IL1RAPL1: variants seen among roughly 807,000 people sequenced by gnomAD.
IL1RAPL1 encodes the protein interleukin 1 receptor accessory protein like 1.
A neutral mutation model predicts 48.4 loss-of-function variants in IL1RAPL1; 3 were observed. The ratio of observed to expected loss-of-function variants is 0.06; its 90% CI spans 0.03 to 0.16. The LOEUF is 0.16. IL1RAPL1 is among the 10% of genes least tolerant of loss of function. The pLI is 1.00. For missense variants in IL1RAPL1, 349 were observed against 530.6 expected (o/e 0.66, Z 3.36); for synonymous variants, 185 against 187.7 (o/e 0.99, Z 0.12).
At chrX:29,662,557 A>C (rs1602352033) in intron 5 of IL1RAPL1, among the ~76,000 whole-genome samples, 1 of 111,955 alleles carries the variant, frequency 8.9e-6, no homozygotes, top group African/African-American at 3.2e-5. Context: ...TACCTGGTAG[A>C]GAGGAAATAT....
chrX:29,866,096 G>C (rs1931691246), intron 6 of IL1RAPL1, among the ~76,000 whole-genome samples: 1 of 111,616 alleles, frequency 9.0e-6, no homozygotes, highest in African/African-American at 3.3e-5. Context: ...TTAGCTTTGG[G>C]TTCAGTTTTT....
intron 3 of IL1RAPL1, among the ~76,000 whole-genome samples, chrX:29,319,516 T>TTGTATG (rs1191579480): frequency 3.3e-5 from 3 of 91,178 alleles, no homozygotes; most frequent in African/African-American, 1.3e-4. Flanking sequence ...ATGTGATATT[T>TTGTATG]TGTATGTATG....
intron 1 of IL1RAPL1, among the ~76,000 whole-genome samples, chrX:28,659,662 A>G (rs1041857325): frequency 6.3e-5 from 7 of 111,789 alleles, no homozygotes; most frequent in African/African-American, 2.3e-4. Flanking sequence ...AACCATGCTT[A>G]CCTATGTTAT....
intron 5 of IL1RAPL1, among the ~76,000 whole-genome samples, chrX:29,632,371 G>A (rs895279161): frequency 9.1e-6 from 1 of 109,916 alleles, no homozygotes; most frequent in African/African-American, 3.3e-5. Context: ...GGATGGTCTC[G>A]ATCTCCTGAC....
chrX:29,286,072 C>T (rs1286136826), intron 3 of IL1RAPL1, among the ~76,000 whole-genome samples: 1 of 111,857 alleles, frequency 8.9e-6, no homozygotes, highest in Non-Finnish European at 1.9e-5. Context: ...AATTGTTTAT[C>T]AAGCTTTTCA....
intron 1 of IL1RAPL1, among the ~76,000 whole-genome samples, chrX:28,784,373 G>T (rs1373505330): frequency 1.8e-5 from 2 of 111,576 alleles, no homozygotes; most frequent in East Asian, 5.6e-4. Context: ...CATTTTTTTA[G>T]CATAGGTAAT....
At chrX:29,229,587 G>C (rs765332101) in intron 2 of IL1RAPL1, among the ~76,000 whole-genome samples, 2 of 111,703 alleles carry the variant, frequency 1.8e-5, no homozygotes, top group South Asian at 7.4e-4. Context: ...CTCATGGAAG[G>C]TGTGGAGAGA....
At chrX:29,707,815 C>G (rs1927241205) in intron 6 of IL1RAPL1, among the ~76,000 whole-genome samples, 1 of 110,555 alleles carries the variant, frequency 9.0e-6, no homozygotes, top group Non-Finnish European at 1.9e-5. Flanking sequence ...GAATAAAATA[C>G]TACACACTGG....
At chrX:28,734,783 C>T (rs1029070557) in intron 1 of IL1RAPL1, among the ~76,000 whole-genome samples, 7 of 111,804 alleles carry the variant, frequency 6.3e-5, no homozygotes, top group Admixed American at 1.9e-4. Context: ...TGGATCAGTA[C>T]CTATTATTTT....
rs111475863 is a variant in IL1RAPL1, at chrX:29,730,988, C to G, written c.778+62484C>G. Among the ~76,000 whole-genome samples the G allele has an allele frequency of 5.1e-4, 57 of 112,227 alleles. 1 individual carries two copies. The highest frequency in any genetic ancestry group is 1.7e-3 in the African/African-American group (54 of 30,941). ...TTACTCTATCCCCAAATTACATACC[C>G]CTGTGATTTATACTTATGTCACATC... On this transcript the variant is annotated intron_variant, in intron 6 of 10. Transcript: ENST00000378993.
intron 2 of IL1RAPL1, among the ~76,000 whole-genome samples, chrX:29,041,841 G>C (rs1926853632): frequency 8.9e-6 from 1 of 112,076 alleles, no homozygotes; most frequent in Admixed American, 9.5e-5. Context: ...CGGACATTCT[G>C]TCATCTCATC....
intron 5 of IL1RAPL1, among the ~76,000 whole-genome samples, chrX:29,660,903 C>T (rs547976518): frequency 6.3e-5 from 7 of 111,721 alleles, no homozygotes; most frequent in African/African-American, 2.3e-4. Context: ...TGCAATGAAT[C>T]TGTCAATTGC....
chrX:29,870,285 C>A (rs777520403), intron 6 of IL1RAPL1, among the ~76,000 whole-genome samples: 17 of 112,197 alleles, frequency 1.5e-4, no homozygotes, highest in Non-Finnish European at 2.6e-4. Flanking sequence ...TGGAATCTCC[C>A]TAGCTGCCTG....
chrX:28,724,562 G>A (rs763304946), intron 1 of IL1RAPL1, among the ~76,000 whole-genome samples: 72 of 111,471 alleles, frequency 6.5e-4, no homozygotes, highest in African/African-American at 2.3e-3. Context: ...TTGCCAGTCT[G>A]TGTCTTTTAA....
intron 5 of IL1RAPL1, among the ~76,000 whole-genome samples, chrX:29,584,532 G>A (rs779234970): frequency 9.0e-6 from 1 of 111,292 alleles, no homozygotes; most frequent in African/African-American, 3.3e-5. Flanking sequence ...GTGAAGTTGA[G>A]TCTTGATTTC....
chrX:29,253,284 T>C (rs1422036237), intron 2 of IL1RAPL1, among the ~76,000 whole-genome samples: 1 of 111,138 alleles, frequency 9.0e-6, no homozygotes, highest in African/African-American at 3.3e-5. Flanking sequence ...GGCATTGTAT[T>C]CTCAAATGGA....
rs768329192 is a variant in IL1RAPL1, at chrX:29,229,398, A to AT, written c.83-53535dup. Reference sequence around the variant, plus strand: ...TGGTCTTAACCCATTCTGTATGATAATTTTTAAAAAAAAAAAACTCTCTAA... The same window carrying AT: ...TGGTCTTAACCCATTCTGTATGATAATTTTTTAAAAAAAAAAAACTCTCTAA... On this transcript the variant is annotated intron_variant, in intron 2 of 10. Coordinates refer to ENST00000378993, the MANE Select transcript of IL1RAPL1 (RefSeq NM_014271.4). Among the ~76,000 whole-genome samples, 111 of 110,532 alleles carry AT rather than the reference A, an allele frequency of 1.0e-3. 2 individuals are homozygous for AT. Among genetic ancestry groups the AT allele is most frequent in the Admixed American group, 8.7e-3 (91 of 10,414 alleles).
intron 2 of IL1RAPL1, among the ~76,000 whole-genome samples, chrX:28,971,876 T>TTTTGTG (rs768970165): frequency 1.2e-5 from 1 of 84,488 alleles, no homozygotes; most frequent in African/African-American, 4.6e-5. Flanking sequence ...ACTCTGAAAA[T>TTTTGTG]TGTGTGTGTG....
At chrX:29,903,183 T>TGAGA (rs1193474559) in intron 6 of IL1RAPL1, among the ~76,000 whole-genome samples, 16 of 93,022 alleles carry the variant, frequency 1.7e-4, no homozygotes, top group African/African-American at 4.4e-4. Context: ...TGTGTGTGTG[T>TGAGA]GAGAGAGAGA....
Sources: gnomAD v4.1 joint callset for allele counts (sites outside exome capture counted in the v4.1 genomes callset) on GRCh38, gnomAD v4.1.1 for gene constraint, MANE v1.5 for transcripts, NCBI Gene and HGNC (gene_info 2026-07-23, HGNC 2026-07-21) for gene names.